TMEM132B: variants seen among roughly 807,000 people sequenced by gnomAD.
The protein encoded by TMEM132B is transmembrane protein 132B.
Under a neutral mutation model 90.8 loss-of-function variants are expected in TMEM132B, and 18 were observed. That is an observed-to-expected ratio of 0.20 (90% CI 0.14 to 0.29). The LOEUF (loss-of-function observed/expected upper bound fraction) is 0.29, where lower values mean the gene tolerates loss of function less well. Among genes scored for constraint, TMEM132B ranks in the 10% least tolerant of loss-of-function variants. The pLI is 1.00. For synonymous variants in TMEM132B, 504 were observed against 523.3 expected, an observed-to-expected ratio of 0.96 and a Z score of 0.50; for missense variants, 1,096 against 1,326.8, an observed-to-expected ratio of 0.83 and a Z score of 2.70.
chr12:125,191,249 T>C (rs1872781164), intron 1 of TMEM132B, among the ~76,000 whole-genome samples: 1 of 149,218 alleles, frequency 6.7e-6, no homozygotes, highest in Admixed American at 6.7e-5. Flanking sequence ...GTGATGGTGA[T>C]GGGGAAGGGG....
chr12:125,415,140 C>T lies in TMEM132B; in HGVS notation c.960-391C>T, dbSNP rs1261006696. Among the ~76,000 whole-genome samples the T allele has an allele frequency of 1.3e-5, 2 of 152,144 alleles. No homozygotes were observed. Among genetic ancestry groups the T allele is most frequent in the African/African-American group, 2.4e-5 (1 of 41,418 alleles). ...TGTGTGATCTTCTGGCCTTGCACAA[C>T]CCACCCCGCATCTTAAAGACTCTTC... On this transcript the variant is annotated intron_variant, in intron 2 of 8. Transcript: ENST00000682704. This position sits in a 1 kb window ranked among gnomAD's most constrained non-coding sequence, Gnocchi z 5.3.
intron 1 of TMEM132B, among the ~76,000 whole-genome samples, chr12:125,223,964 A>G (rs142281514): frequency 1.3e-5 from 2 of 152,122 alleles, no homozygotes; most frequent in Admixed American, 1.3e-4. Context: ...TTTAGTAGAG[A>G]AGGGGTTTCG....
In TMEM132B at chr12:125,404,779, C is replaced by T. The variant is rs112218596; in HGVS notation, c.960-10752C>T. On this transcript the variant is annotated intron_variant, in intron 2 of 8. Coordinates refer to ENST00000682704, the MANE Select transcript of TMEM132B (RefSeq NM_001366854.1). ...CTAATCCTTCTCTCTCCATCACCTTCCTGACATTCATTCCTGGGTGTATCC... is the reference window on the plus strand; with the variant it reads ...CTAATCCTTCTCTCTCCATCACCTTTCTGACATTCATTCCTGGGTGTATCC... Among the ~76,000 whole-genome samples, 352 of 152,316 alleles carry T rather than the reference C, an allele frequency of 2.3e-3. 1 individual carries two copies. Among genetic ancestry groups the T allele is most frequent in the African/African-American group, 8.0e-3 (331 of 41,566 alleles).
chr12:125,404,827 T>C (rs1471878662), intron 2 of TMEM132B, among the ~76,000 whole-genome samples: 1 of 152,226 alleles, frequency 6.6e-6, no homozygotes. Context: ...GAGGGAGGAA[T>C]GCCCAGTGTT....
intron 2 of TMEM132B, among the ~76,000 whole-genome samples, chr12:125,377,815 A>G (rs1878540710): frequency 6.6e-6 from 1 of 152,204 alleles, no homozygotes. Flanking sequence ...CTATGGGTTC[A>G]CTTAACAGCT....
At position 125,657,283 on chromosome 12, in the gene TMEM132B, C is replaced by G. The variant is rs1214487682; in HGVS notation, c.*2573C>G. The G allele has an allele frequency of 3.3e-5, 5 of 152,086 alleles. No individual in the cohort carries two copies. The East Asian group carries it at 9.7e-4, about 29-fold the overall frequency. 9.4% of individuals were successfully genotyped at this position (152,086 alleles called of 1,614,324 possible). On this transcript the variant is annotated 3_prime_UTR_variant, in exon 9 of 9. Transcript: ENST00000682704. ...GAAGGCCATGGGGGAAGGGTTCCTT[C>G]CACCATATAACCCACACCCAGATGT...
rs375197303 is a variant in TMEM132B at position 125,655,131 on chromosome 12, G to A, written c.*421G>A. 3.6e-5 allele frequency: 6 copies of A among 165,966 alleles called. No individual in the cohort carries two copies. The East Asian group carries it at 1.0e-3, about 28-fold the overall frequency. The allele number at this position is 165,966 out of a possible 1,614,324, so 10.3% of individuals were successfully genotyped here. ...CCTTGGCCTGAGTTTAGACATACAT[G>A]AAAGATGACTGAATGTAGCTATCCT... On this transcript the variant is annotated 3_prime_UTR_variant, in exon 9 of 9. Coordinates refer to ENST00000682704, the MANE Select transcript of TMEM132B (RefSeq NM_001366854.1).
chr12:125,236,447 G>T (rs573748056), intron 1 of TMEM132B, among the ~76,000 whole-genome samples: 1 of 152,202 alleles, frequency 6.6e-6, no homozygotes, highest in South Asian at 2.1e-4. Context: ...GTGAGCCACC[G>T]CTCCCGGTCA....
At chr12:125,416,136 C>T (rs1435460460) in intron 3 of TMEM132B, among the ~76,000 whole-genome samples, 1 of 152,174 alleles carries the variant, frequency 6.6e-6, no homozygotes, top group Admixed American at 6.5e-5. Context: ...TGTCTTCTCT[C>T]GTTCAGACAC....
intron 1 of TMEM132B, among the ~76,000 whole-genome samples, chr12:125,191,498 C>T (rs1327170735): frequency 3.9e-5 from 6 of 152,204 alleles, no homozygotes; most frequent in Non-Finnish European, 7.3e-5. Context: ...CCAAATTTCA[C>T]TCTCTAGCCT....
chr12:125,643,661 T>C (rs2137028283), intron 5 of TMEM132B, among the ~76,000 whole-genome samples: 1 of 152,342 alleles, frequency 6.6e-6, no homozygotes, highest in Non-Finnish European at 1.5e-5. Flanking sequence ...ATGACTTGAA[T>C]AATGTGCTTT....
At chr12:125,417,525 G>A (rs1039377303) in intron 3 of TMEM132B, among the ~76,000 whole-genome samples, 1 of 152,122 alleles carries the variant, frequency 6.6e-6, no homozygotes, top group African/African-American at 2.4e-5. Context: ...TCTCTACTTC[G>A]CCTGGGGGCC....
At chr12:125,305,665 A>T (rs149874367) in intron 1 of TMEM132B, among the ~76,000 whole-genome samples, 68 of 152,310 alleles carry the variant, frequency 4.5e-4, no homozygotes, top group African/African-American at 1.5e-3. Flanking sequence ...AGGTAATGGA[A>T]ATACATGCTT....
chr12:125,559,848 G>C (rs1884476601), intron 4 of TMEM132B, among the ~76,000 whole-genome samples: 1 of 152,166 alleles, frequency 6.6e-6, no homozygotes, highest in Non-Finnish European at 1.5e-5. Flanking sequence ...TGTTAAATGA[G>C]GCGGTGGCTG....
At chr12:125,273,164 CTATT>C (rs535633208) in intron 1 of TMEM132B, among the ~76,000 whole-genome samples, 3 of 151,964 alleles carry the variant, frequency 2.0e-5, no homozygotes, top group East Asian at 1.9e-4. Context: ...ACATATATCT[CTATT>C]TATCTCTCTC....
At chr12:125,525,439 C>G (rs1420782668) in intron 4 of TMEM132B, among the ~76,000 whole-genome samples, 2 of 152,242 alleles carry the variant, frequency 1.3e-5, no homozygotes, top group African/African-American at 4.8e-5. Context: ...GCTTAGGCCC[C>G]TGTGCCTGTC....
intron 3 of TMEM132B, among the ~76,000 whole-genome samples, chr12:125,464,016 G>A (rs1168725413): frequency 6.6e-6 from 1 of 152,154 alleles, no homozygotes; most frequent in Non-Finnish European, 1.5e-5. Context: ...CATGAGAACA[G>A]CATGGGAGAA....
chr12:125,635,956 C>T (rs1886468511), intron 5 of TMEM132B, among the ~76,000 whole-genome samples: 1 of 152,172 alleles, frequency 6.6e-6, no homozygotes, highest in Non-Finnish European at 1.5e-5. Flanking sequence ...CAATGCCTCA[C>T]AATTGCGGTG....
At position 125,415,587 on chromosome 12, in the gene TMEM132B, A is replaced by G; in HGVS notation, c.1016A>G (p.Gln339Arg). 2.5e-6 allele frequency: 4 copies of G among 1,614,208 alleles called. No homozygotes were observed. The highest frequency in any genetic ancestry group is 1.1e-5 in the South Asian group (1 of 91,090). Reference protein sequence around the residue: ...ITAVRVSSEDQWAVQEEIDNG... With the variant: ...ITAVRVSSEDRWAVQEEIDNG... Reference sequence around the variant, plus strand: ...GCAGTGAGAGTCAGCAGTGAGGACCAATGGGCAGTCCAGGAGGAAATTGAT... The same window carrying G: ...GCAGTGAGAGTCAGCAGTGAGGACCGATGGGCAGTCCAGGAGGAAATTGAT... The change falls in exon 3 of 9, where the codon CAA (glutamine) becomes CGA (arginine). Residue 339 changes from glutamine (Q) to arginine (R), a missense_variant. Coordinates refer to ENST00000682704, the MANE Select transcript of TMEM132B (RefSeq NM_001366854.1). This position sits in a 1 kb window ranked among gnomAD's most constrained non-coding sequence, Gnocchi z 5.3.
Sources: allele counts gnomAD v4.1 joint callset (sites outside exome capture counted in the v4.1 genomes callset), GRCh38; gene constraint gnomAD v4.1.1; non-coding constraint Gnocchi (gnomAD v3.1); transcripts MANE v1.5; gene names NCBI Gene and HGNC (gene_info 2026-07-23, HGNC 2026-07-21).